The following SND1 variants were observed in gnomAD, a reference collection of about 807,000 sequenced individuals.
The protein encoded by SND1 is staphylococcal nuclease domain-containing protein 1.
A neutral mutation model predicts 121.7 loss-of-function variants in SND1; 38 were observed. The observed-to-expected ratio is 0.31, with a 90% CI of 0.24 to 0.41. SND1 has a LOEUF of 0.41. SND1 is among the 10% of genes least tolerant of loss of function. The pLI, the probability that SND1 is intolerant of heterozygous loss-of-function variation, is 1.00. For missense variants in SND1, 868 were observed against 1,184.6 expected, an observed-to-expected ratio of 0.73 and a Z score of 3.92; for synonymous variants, 401 against 447.4, an observed-to-expected ratio of 0.90 and a Z score of 1.31.
intron 14 of SND1, among the ~76,000 whole-genome samples, chr7:127,913,871 A>G (rs190613150): frequency 2.6e-5 from 4 of 152,334 alleles, no homozygotes; most frequent in Admixed American, 6.5e-5. Context: ...TAATTTCACT[A>G]ACATAGACAT....
chr7:127,772,604 G>C (rs558856183), intron 10 of SND1, among the ~76,000 whole-genome samples: 8 of 152,292 alleles, frequency 5.3e-5, no homozygotes, highest in African/African-American at 1.9e-4. Flanking sequence ...TATCTCATCT[G>C]TGCTGCCACA....
chr7:127,959,683 G>C (rs1801681832), intron 15 of SND1, among the ~76,000 whole-genome samples: 1 of 152,088 alleles, frequency 6.6e-6, no homozygotes, highest in Non-Finnish European at 1.5e-5. Flanking sequence ...CTCTTCCATA[G>C]CACTGTCACC....
chr7:127,751,867 G>A (rs1452681880), intron 10 of SND1, among the ~76,000 whole-genome samples: 2 of 152,162 alleles, frequency 1.3e-5, no homozygotes, highest in Non-Finnish European at 2.9e-5. Context: ...GTCTGCAGCC[G>A]GAGCTCTTAG....
At chr7:128,053,482 G>C (rs1793081484) in intron 16 of SND1, among the ~76,000 whole-genome samples, 1 of 152,172 alleles carries the variant, frequency 6.6e-6, no homozygotes, top group Non-Finnish European at 1.5e-5. Context: ...AATGGTGCAG[G>C]AGGCCAGAGA....
At position 127,707,672 on chromosome 7, in the gene SND1, A is replaced by G. The variant is rs781010498; in HGVS notation, c.1038+25A>G. 25 of 1,567,114 alleles carry G rather than the reference A, an allele frequency of 1.6e-5. No homozygotes were observed. The South Asian group carries it at 2.7e-4, about 17-fold the overall frequency. ...GGTGAGTCATTCTCAGCATCTTGAT[A>G]TGCATAGTGGACATTGCCAGGCGAG... On this transcript the variant is annotated intron_variant, in intron 9 of 23. Transcript: ENST00000354725.
intron 16 of SND1, among the ~76,000 whole-genome samples, chr7:128,073,834 C>T (rs959683479): frequency 2.0e-5 from 3 of 152,092 alleles, no homozygotes; most frequent in African/African-American, 4.8e-5. Context: ...CCTGGGTCCT[C>T]GGGATGAGAC....
intron 2 of SND1, among the ~76,000 whole-genome samples, chr7:127,689,955 C>T (rs1408988039): frequency 8.3e-6 from 1 of 119,830 alleles, no homozygotes; most frequent in East Asian, 2.9e-4. Context: ...ACGCTGACAT[C>T]CAGGCCTTTA....
chr7:127,738,766 G>A (rs1796825145), intron 10 of SND1, among the ~76,000 whole-genome samples: 1 of 152,110 alleles, frequency 6.6e-6, no homozygotes, highest in Admixed American at 6.5e-5. Context: ...GGAGACCAGG[G>A]GAGGATGGGG....
At chr7:127,896,868 G>C (rs1328580665) in intron 13 of SND1, among the ~76,000 whole-genome samples, 1 of 151,982 alleles carries the variant, frequency 6.6e-6, no homozygotes, top group African/African-American at 2.4e-5. Context: ...GCTTGCTTTG[G>C]CTCATCTGCA....
At chr7:127,998,791 C>T (rs1047894063) in intron 16 of SND1, 1 of 152,262 alleles carries the variant, frequency 6.6e-6, no homozygotes, top group African/African-American at 2.4e-5. Flanking sequence ...CTTCCCCTGA[C>T]TACTGGGCTT....
intron 12 of SND1, among the ~76,000 whole-genome samples, chr7:127,859,558 T>G (rs1257634694): frequency 3.9e-5 from 6 of 152,146 alleles, no homozygotes; most frequent in Non-Finnish European, 1.5e-5. Context: ...TCTGGGGCCT[T>G]AGGTTGTGTT....
chr7:128,058,258 T>A (rs1053521215), intron 16 of SND1, among the ~76,000 whole-genome samples: 1 of 152,292 alleles, frequency 6.6e-6, no homozygotes, highest in Non-Finnish European at 1.5e-5. Context: ...TCTCACTACA[T>A]GTGCTTAGCA....
At chr7:127,668,665 A>C (rs1224119974) in intron 1 of SND1, among the ~76,000 whole-genome samples, 1 of 152,160 alleles carries the variant, frequency 6.6e-6, no homozygotes, top group Admixed American at 6.5e-5. Context: ...AGCTTAGTGA[A>C]TTTTTGCTCA....
chr7:127,831,201 G>A lies in SND1; in HGVS notation c.1243-13123G>A, dbSNP rs557804633. Reference sequence around the variant, plus strand: ...TGAGAAACAGGATCAGAGGGCACAAGGGGGATGGGGCACAGCCCTTCACAT... The same window carrying A: ...TGAGAAACAGGATCAGAGGGCACAAAGGGGATGGGGCACAGCCCTTCACAT... On this transcript the variant is annotated intron_variant, in intron 11 of 23. Transcript: ENST00000354725. 2.0e-5 allele frequency among the ~76,000 whole-genome samples: 3 copies of A among 152,332 alleles called. No individual in the cohort carries two copies. In the South Asian group the frequency reaches 6.2e-4, roughly 32 times the overall value.
At chr7:127,902,222 T>C (rs1291543636) in intron 13 of SND1, among the ~76,000 whole-genome samples, 1 of 152,226 alleles carries the variant, frequency 6.6e-6, no homozygotes, top group Non-Finnish European at 1.5e-5. Flanking sequence ...AGGCCACAAT[T>C]TCAGCAGTGC....
At chr7:128,066,709 C>G (rs1333264535) in intron 16 of SND1, among the ~76,000 whole-genome samples, 1 of 152,142 alleles carries the variant, frequency 6.6e-6, no homozygotes, top group Non-Finnish European at 1.5e-5. Flanking sequence ...CTGTGTTAAA[C>G]TGTTACTGTG....
intron 12 of SND1, among the ~76,000 whole-genome samples, chr7:127,885,441 G>A (rs1288688407): frequency 6.6e-6 from 1 of 152,110 alleles, no homozygotes; most frequent in Admixed American, 6.6e-5. Context: ...AAGAGAACAT[G>A]GCTTAGATGC....
chr7:127,792,346 G>A (rs1480226568), intron 10 of SND1, among the ~76,000 whole-genome samples: 2 of 152,188 alleles, frequency 1.3e-5, no homozygotes, highest in Admixed American at 1.3e-4. Flanking sequence ...GTGGACTGCT[G>A]CTATCTGATG....
At chr7:127,957,947 C>G (rs1196894765) in intron 15 of SND1, among the ~76,000 whole-genome samples, 1 of 152,226 alleles carries the variant, frequency 6.6e-6, no homozygotes, top group African/African-American at 2.4e-5. Flanking sequence ...AGCATTCCAC[C>G]TGCCTCGGCC....
Sources: allele counts gnomAD v4.1 joint callset (sites outside exome capture counted in the v4.1 genomes callset), GRCh38; gene constraint gnomAD v4.1.1; transcripts MANE v1.5; gene names NCBI Gene and HGNC (gene_info 2026-07-23, HGNC 2026-07-21).